PRKN: variants seen among roughly 807,000 people sequenced by gnomAD.
The protein encoded by PRKN is parkin RBR E3 ubiquitin protein ligase.
In PRKN, 56 loss-of-function variants were observed where a neutral mutation model predicts 59.5. The ratio of observed to expected loss-of-function variants is 0.94; its 90% CI spans 0.76 to 1.18. The LOEUF (loss-of-function observed/expected upper bound fraction) is 1.18, where lower values mean the gene tolerates loss of function less well. PRKN is among the 50% of genes most tolerant of loss of function. The probability of loss-of-function intolerance (pLI) is 0.00; values close to 1 mark genes in which losing one functional copy is unlikely to be tolerated. For synonymous variants in PRKN, 250 were observed against 222.1 expected, an observed-to-expected ratio of 1.13 and a Z score of -1.12; for missense variants, 657 against 596.4, an observed-to-expected ratio of 1.10 and a Z score of -1.06.
chr6:162,704,281 G>A (rs550336969), intron 1 of PRKN, among the ~76,000 whole-genome samples: 1 of 152,232 alleles, frequency 6.6e-6, no homozygotes, highest in South Asian at 2.1e-4. Context: ...CTATGGGAAC[G>A]TCTGCCTTAA....
At chr6:161,967,401 C>T (rs986100732) in intron 6 of PRKN, among the ~76,000 whole-genome samples, 1 of 152,182 alleles carries the variant, frequency 6.6e-6, no homozygotes, top group African/African-American at 2.4e-5. Flanking sequence ...ATTCCTCCCT[C>T]CTGCAGTCCT....
chr6:162,640,159 TG>T (rs931015949), intron 1 of PRKN, among the ~76,000 whole-genome samples: 15 of 152,094 alleles, frequency 9.9e-5, no homozygotes, highest in African/African-American at 3.6e-4. Flanking sequence ...CCAGGGTTCT[TG>T]GGAGACTCTG....
rs188214003 is a variant in PRKN, at chr6:161,756,584, T to C, written c.871+29188A>G. On this transcript the variant is annotated intron_variant, in intron 7 of 11. Coordinates refer to ENST00000366898, the MANE Select transcript of PRKN (RefSeq NM_004562.3). Reference sequence around the variant, plus strand: ...TTTCTTTCCTTTTCTTCTTTCCTTCTCTCTCTCTCTCCCCCTACCTCCTCT... The same window carrying C: ...TTTCTTTCCTTTTCTTCTTTCCTTCCCTCTCTCTCTCCCCCTACCTCCTCT... Among the ~76,000 whole-genome samples, 518 of 151,272 alleles carry C rather than the reference T, an allele frequency of 3.4e-3. 6 individuals are homozygous for C. The highest frequency in any genetic ancestry group is 0.012 in the African/African-American group (479 of 40,982).
chr6:162,316,088 A>G (rs970882491), intron 2 of PRKN, among the ~76,000 whole-genome samples: 1 of 152,090 alleles, frequency 6.6e-6, no homozygotes, highest in Non-Finnish European at 1.5e-5. Context: ...TGGTGATAGA[A>G]GTATTCCAAG....
chr6:162,624,807 C>T (rs1010996223), intron 1 of PRKN, among the ~76,000 whole-genome samples: 1 of 152,190 alleles, frequency 6.6e-6, no homozygotes, highest in Admixed American at 6.5e-5. Context: ...AGGTGTGAGA[C>T]ACCATGCCCA....
chr6:162,116,662 TAAAAC>T (rs1282930075), intron 4 of PRKN, among the ~76,000 whole-genome samples: 1 of 152,202 alleles, frequency 6.6e-6, no homozygotes, highest in Non-Finnish European at 1.5e-5. Flanking sequence ...GGTTCAGAGA[TAAAAC>T]AAATAGCTCT....
chr6:161,594,686 T>A (rs904810359), intron 7 of PRKN, among the ~76,000 whole-genome samples: 1 of 151,886 alleles, frequency 6.6e-6, no homozygotes, highest in Non-Finnish European at 1.5e-5. Flanking sequence ...TTAAAATATA[T>A]AAATATTTTT....
chr6:161,927,122 G>C (rs903251054), intron 6 of PRKN, among the ~76,000 whole-genome samples: 6 of 152,086 alleles, frequency 3.9e-5, no homozygotes, highest in Admixed American at 3.3e-4. Context: ...ACATACACAT[G>C]GGAGTTGTTT....
chr6:162,294,576 G>T (rs1781579190), intron 2 of PRKN, among the ~76,000 whole-genome samples: 1 of 152,118 alleles, frequency 6.6e-6, no homozygotes, highest in South Asian at 2.1e-4. Flanking sequence ...TGCTGAAACT[G>T]CAGGAATGAT....
intron 1 of PRKN, among the ~76,000 whole-genome samples, chr6:162,480,081 G>A (rs1792228263): frequency 6.6e-6 from 1 of 150,886 alleles, no homozygotes; most frequent in Admixed American, 6.6e-5. Context: ...AAAAAAAATA[G>A]TATAAGTTCT....
At chr6:161,790,780 A>G (rs558038101) in intron 6 of PRKN, among the ~76,000 whole-genome samples, 1 of 152,292 alleles carries the variant, frequency 6.6e-6, no homozygotes, top group African/African-American at 2.4e-5. Flanking sequence ...TAGCAGCCAG[A>G]ATGTACTAAG....
Position 161,910,547 on chromosome 6 carries a change from G to T in PRKN, c.734+62755C>A, listed in dbSNP as rs1440467348. 2.6e-5 allele frequency among the ~76,000 whole-genome samples: 4 copies of T among 152,260 alleles called. No homozygotes were observed. In the South Asian group the frequency reaches 8.3e-4, roughly 32 times the overall value. On this transcript the variant is annotated intron_variant, in intron 6 of 11. Coordinates refer to ENST00000366898, the MANE Select transcript of PRKN (RefSeq NM_004562.3). ...TGGGATTACAGGCATGAGCCACTGC[G>T]CCCGGCTGAAAGAATCTGAATATTA...
At chr6:162,585,050 G>A (rs1335698913) in intron 1 of PRKN, among the ~76,000 whole-genome samples, 1 of 150,682 alleles carries the variant, frequency 6.6e-6, no homozygotes, top group Non-Finnish European at 1.5e-5. Flanking sequence ...ACAGGTGCCT[G>A]CCACCGTGCC....
At chr6:161,523,080 C>T (rs1039198568) in intron 9 of PRKN, among the ~76,000 whole-genome samples, 5 of 152,048 alleles carry the variant, frequency 3.3e-5, no homozygotes, top group African/African-American at 1.2e-4. Flanking sequence ...TAAAAAAAAA[C>T]TCTAAATGCA....
At chr6:161,718,917 C>T (rs1787103313) in intron 7 of PRKN, among the ~76,000 whole-genome samples, 1 of 152,196 alleles carries the variant, frequency 6.6e-6, no homozygotes, top group African/African-American at 2.4e-5. Context: ...GCTTTAGCGG[C>T]ATCTCACAAT....
chr6:162,663,359 T>G (rs974404257), intron 1 of PRKN, among the ~76,000 whole-genome samples: 4 of 150,642 alleles, frequency 2.7e-5, no homozygotes, highest in Non-Finnish European at 5.9e-5. Context: ...TATGTGGGGA[T>G]GAGCACGTAA....
At chr6:161,868,622 T>A (rs998675927) in intron 6 of PRKN, among the ~76,000 whole-genome samples, 4 of 152,168 alleles carry the variant, frequency 2.6e-5, no homozygotes, top group Non-Finnish European at 5.9e-5. Context: ...AATACTTTGC[T>A]CTTAATTTGT....
At chr6:162,214,032 A>G (rs915525498) in intron 3 of PRKN, among the ~76,000 whole-genome samples, 4 of 152,012 alleles carry the variant, frequency 2.6e-5, no homozygotes, top group South Asian at 2.1e-4. Context: ...TGTTGGCTCA[A>G]TGCTGTTAGG....
intron 4 of PRKN, among the ~76,000 whole-genome samples, chr6:162,139,571 C>A (rs917547347): frequency 2.0e-5 from 3 of 152,144 alleles, no homozygotes; most frequent in Admixed American, 1.3e-4. Flanking sequence ...CTCTCCACAG[C>A]ATCACAGTCA....
Sources: gnomAD v4.1 joint callset for allele counts (sites outside exome capture counted in the v4.1 genomes callset) on GRCh38, gnomAD v4.1.1 for gene constraint, MANE v1.5 for transcripts, NCBI Gene and HGNC (gene_info 2026-07-23, HGNC 2026-07-21) for gene names.